Variants in DAB1 observed in about 807,000 individuals in gnomAD.
DAB1 encodes DAB adaptor protein 1.
DAB1 carries 15 observed loss-of-function variants against 64.6 expected under a neutral mutation model. That is an observed-to-expected ratio of 0.23 (90% confidence interval 0.16 to 0.36). The LOEUF is 0.36. Among genes scored for constraint, DAB1 ranks in the 10% least tolerant of loss-of-function variants. The pLI is 1.00. For synonymous variants in DAB1, 235 were observed against 251.9 expected (o/e 0.93, Z 0.64); for missense variants, 596 against 706.7 (o/e 0.84, Z 1.78).
intron 2 of DAB1, among the ~76,000 whole-genome samples, chr1:57,149,359 G>T (rs542655916): frequency 6.6e-6 from 1 of 152,060 alleles, no homozygotes; most frequent in Admixed American, 6.5e-5. Flanking sequence ...AGGAATTGTC[G>T]CATCATATGG....
intron 7 of DAB1, among the ~76,000 whole-genome samples, chr1:57,593,704 G>C (rs967427906): frequency 2.6e-5 from 4 of 152,152 alleles, no homozygotes; most frequent in Non-Finnish European, 2.9e-5. Flanking sequence ...TGTCATGAAG[G>C]CCCAAATGAC....
At chr1:57,483,089 C>T (rs1054353216) in intron 7 of DAB1, among the ~76,000 whole-genome samples, 39 of 152,068 alleles carry the variant, frequency 2.6e-4, no homozygotes, top group Non-Finnish European at 2.9e-5. Flanking sequence ...ATAATCTCAA[C>T]GTAAAAATAT....
chr1:58,301,380 G>C (rs1318829700), intron 4 of DAB1, among the ~76,000 whole-genome samples: 2 of 152,148 alleles, frequency 1.3e-5, no homozygotes, highest in African/African-American at 4.8e-5. Flanking sequence ...GATTACTATA[G>C]AGCAAACTTG....
chr1:57,484,817 G>A (rs1392743270), intron 7 of DAB1, among the ~76,000 whole-genome samples: 1 of 152,090 alleles, frequency 6.6e-6, no homozygotes, highest in Non-Finnish European at 1.5e-5. Flanking sequence ...GAGAGAGAGA[G>A]AAAGAGAATA....
At chr1:58,067,922 C>G (rs1648961909) in intron 5 of DAB1, among the ~76,000 whole-genome samples, 1 of 152,186 alleles carries the variant, frequency 6.6e-6, no homozygotes, top group South Asian at 2.1e-4. Context: ...GTGCCTTGCA[C>G]ATAATAATCT....
At chr1:57,611,749 C>T (rs541927314) in intron 7 of DAB1, among the ~76,000 whole-genome samples, 2 of 152,318 alleles carry the variant, frequency 1.3e-5, no homozygotes, top group East Asian at 3.9e-4. Context: ...TGGCAGCAGC[C>T]CCTAGCAGGC....
chr1:57,441,302 CTTTCTTTCTT>C lies in DAB1; in HGVS notation n.626-150146_626-150137del, dbSNP rs1558383898. On this transcript the variant is annotated intron_variant and non_coding_transcript_variant, in intron 7 of 20. Coordinates refer to the DAB1 transcript ENST00000485760. ...TCTTTCTTTCTTTCTTTCTTTCTTT[CTTTCTTTCTT>C]TCTTTCTTCTTTCCTCCTTCTTCTT... Among the ~76,000 whole-genome samples, 24 of 125,276 alleles carry C rather than the reference CTTTCTTTCTT, an allele frequency of 1.9e-4. 1 individual carries two copies. The highest frequency in any genetic ancestry group is 1.3e-3 in the East Asian group (6 of 4,522). The allele number at this position is 125,276 out of a possible 152,430, so 82.2% of individuals were successfully genotyped here. A position where few individuals can be genotyped will look rare whatever the true frequency, so the allele number is the denominator to read the frequency against.
intron 14 of DAB1, among the ~76,000 whole-genome samples, chr1:57,007,954 GA>G (rs1646138510): frequency 6.6e-6 from 1 of 152,216 alleles, no homozygotes; most frequent in Non-Finnish European, 1.5e-5. Flanking sequence ...GAGGGACCCA[GA>G]ATGGCTCTCC....
intron 4 of DAB1, among the ~76,000 whole-genome samples, chr1:58,304,238 G>A (rs1662248030): frequency 6.6e-6 from 1 of 152,120 alleles, no homozygotes; most frequent in South Asian, 2.1e-4. Flanking sequence ...TTTGTGTAAT[G>A]GTAATTTCCA....
At chr1:57,556,062 T>TTA (rs1173891004) in intron 7 of DAB1, among the ~76,000 whole-genome samples, 6 of 152,168 alleles carry the variant, frequency 3.9e-5, no homozygotes, top group Non-Finnish European at 5.9e-5. Flanking sequence ...TGAGAAGGAA[T>TTA]TATATATAAT....
intron 8 of DAB1, among the ~76,000 whole-genome samples, chr1:57,063,990 T>C (rs1247666071): frequency 6.6e-6 from 1 of 152,180 alleles, no homozygotes; most frequent in Non-Finnish European, 1.5e-5. Context: ...CTTTCCATCA[T>C]ATTGGGAGCT....
chr1:57,611,105 A>G (rs150724228), intron 7 of DAB1, among the ~76,000 whole-genome samples: 3 of 145,182 alleles, frequency 2.1e-5, no homozygotes, highest in Non-Finnish European at 3.0e-5. Context: ...CTGCTCAGCT[A>G]TCTCACTGTT....
intron 2 of DAB1, among the ~76,000 whole-genome samples, chr1:57,229,070 A>C (rs1420272072): frequency 6.6e-6 from 1 of 152,252 alleles, no homozygotes; most frequent in East Asian, 1.9e-4. Flanking sequence ...ATAATATGCA[A>C]TAAAAGTTTT....
intron 10 of DAB1, 22 bp from the exon 11 acceptor site, chr1:57,023,661 A>C: frequency 6.8e-7 from 1 of 1,477,414 alleles, no homozygotes; most frequent in Non-Finnish European, 9.4e-7. Context: ...AGAGAGGCAG[A>C]GGACACATGA....
chr1:57,316,642 A>G (rs1429825922), intron 1 of DAB1, among the ~76,000 whole-genome samples: 1 of 152,212 alleles, frequency 6.6e-6, no homozygotes, highest in African/African-American at 2.4e-5. Context: ...AGAAAAAAAT[A>G]AAAAGCAGCT....
intron 5 of DAB1, among the ~76,000 whole-genome samples, chr1:57,972,901 T>C (rs962831772): frequency 6.6e-6 from 1 of 152,236 alleles, no homozygotes; most frequent in Non-Finnish European, 1.5e-5. Flanking sequence ...AGATTCTGCA[T>C]ATTTCTTCAT....
intron 5 of DAB1, among the ~76,000 whole-genome samples, chr1:58,084,760 A>T (rs1650199331): frequency 6.7e-6 from 1 of 150,068 alleles, no homozygotes; most frequent in African/African-American, 2.4e-5. Context: ...GAGGGGGAAA[A>T]TTTTATATAT....
chr1:58,156,988 C>G (rs544639719), intron 4 of DAB1, among the ~76,000 whole-genome samples: 1 of 152,242 alleles, frequency 6.6e-6, no homozygotes, highest in South Asian at 2.1e-4. Context: ...GTCTGCCTAC[C>G]GAACGGGATC....
chr1:58,253,499 A>G (rs1405097531), intron 4 of DAB1, among the ~76,000 whole-genome samples: 1 of 152,238 alleles, frequency 6.6e-6, no homozygotes, highest in Non-Finnish European at 1.5e-5. Context: ...ACGGTCAGTT[A>G]TTGTGAGTCT....
Sources: allele counts gnomAD v4.1 joint callset (sites outside exome capture counted in the v4.1 genomes callset), GRCh38; gene constraint gnomAD v4.1.1; transcripts MANE v1.5; gene names NCBI Gene and HGNC (gene_info 2026-07-23, HGNC 2026-07-21).